DOK6: variants seen among roughly 807,000 people sequenced by gnomAD.
DOK6 encodes docking protein 6.
In DOK6, 22 loss-of-function variants were observed where a neutral mutation model predicts 44.0. The observed-to-expected ratio is 0.50, with a 90% confidence interval of 0.36 to 0.71. The LOEUF (loss-of-function observed/expected upper bound fraction) is 0.71. DOK6 is among the 30% of genes least tolerant of loss of function. DOK6 has a pLI of 0.00. For synonymous variants in DOK6, 166 were observed against 145.5 expected (o/e 1.14, Z -1.01); for missense variants, 340 against 416.4 (o/e 0.82, Z 1.60).
intron 2 of DOK6, among the ~76,000 whole-genome samples, chr18:69,589,662 TAGTG>T (rs960477694): frequency 6.6e-6 from 1 of 152,136 alleles, no homozygotes; most frequent in African/African-American, 2.4e-5. Flanking sequence ...AATGCAATTG[TAGTG>T]AGTAAGATCT....
chr18:69,482,487 T>C (rs943982635), intron 1 of DOK6, among the ~76,000 whole-genome samples: 1 of 152,018 alleles, frequency 6.6e-6, no homozygotes, highest in Admixed American at 6.6e-5. Context: ...ATTAACTTCA[T>C]GTATGTTTGT....
At chr18:69,785,921 G>A (rs1427219985) in intron 7 of DOK6, among the ~76,000 whole-genome samples, 2 of 152,170 alleles carry the variant, frequency 1.3e-5, no homozygotes, top group African/African-American at 2.4e-5. Context: ...CTCTCTCAGA[G>A]TTAGACCTTC....
chr18:69,649,450 G>C (rs1159693486), intron 3 of DOK6, among the ~76,000 whole-genome samples: 1 of 152,008 alleles, frequency 6.6e-6, no homozygotes, highest in Non-Finnish European at 1.5e-5. Flanking sequence ...ATGGATCCTA[G>C]GGTTGCCTCC....
chr18:69,429,516 T>G (rs1328039662), intron 1 of DOK6, among the ~76,000 whole-genome samples: 1 of 151,076 alleles, frequency 6.6e-6, no homozygotes, highest in Non-Finnish European at 1.5e-5. Flanking sequence ...ATTTTATGCT[T>G]AAATATATGT....
intron 3 of DOK6, among the ~76,000 whole-genome samples, chr18:69,624,740 A>G (rs368882941): frequency 2.0e-5 from 3 of 152,160 alleles, no homozygotes; most frequent in South Asian, 2.1e-4. Flanking sequence ...TATTCAATTT[A>G]TAATGAATCC....
chr18:69,630,547 G>A (rs892146566), intron 3 of DOK6, among the ~76,000 whole-genome samples: 4 of 152,176 alleles, frequency 2.6e-5, no homozygotes, highest in African/African-American at 9.7e-5. Flanking sequence ...CAGCCAAAGG[G>A]CTGAGTGTAG....
At chr18:69,790,697 G>A (rs1253385125) in intron 7 of DOK6, among the ~76,000 whole-genome samples, 2 of 151,886 alleles carry the variant, frequency 1.3e-5, no homozygotes, top group Non-Finnish European at 2.9e-5. Context: ...GGATACATGA[G>A]CTATTTTGAT....
chr18:69,422,909 T>C (rs1321274983), intron 1 of DOK6, among the ~76,000 whole-genome samples: 1 of 152,224 alleles, frequency 6.6e-6, no homozygotes, highest in African/African-American at 2.4e-5. Context: ...TTAAATATAA[T>C]ATTTCAAGCA....
At chr18:69,769,418 A>G (rs1250545741) in intron 7 of DOK6, among the ~76,000 whole-genome samples, 1 of 152,082 alleles carries the variant, frequency 6.6e-6, no homozygotes, top group Non-Finnish European at 1.5e-5. Flanking sequence ...CTCAAAAAAG[A>G]TGTTGTCTAA....
intron 3 of DOK6, 69 bp from the exon 4 acceptor site, chr18:69,677,665 A>G (rs868122280): frequency 6.2e-7 from 1 of 1,605,040 alleles, no homozygotes; most frequent in Middle Eastern, 1.7e-4. Flanking sequence ...GAAAACAGTT[A>G]AGGAAATATT....
chr18:69,425,634 T>C (rs959775092), intron 1 of DOK6, among the ~76,000 whole-genome samples: 1 of 152,022 alleles, frequency 6.6e-6, no homozygotes, highest in African/African-American at 2.4e-5. Flanking sequence ...GAAAATAATT[T>C]AAAATAAAAA....
chr18:69,603,743 C>G (rs1345411819), intron 3 of DOK6, among the ~76,000 whole-genome samples: 1 of 129,114 alleles, frequency 7.7e-6, no homozygotes, highest in Middle Eastern at 5.0e-3. Flanking sequence ...TGCACTCCAG[C>G]CTGGGCGACA....
chr18:69,686,611 G>A (rs1986157992), intron 4 of DOK6, among the ~76,000 whole-genome samples: 2 of 151,964 alleles, frequency 1.3e-5, no homozygotes, highest in South Asian at 4.1e-4. Flanking sequence ...TGCTGTAATG[G>A]AAACATCAAA....
chr18:69,818,277 A>T (rs1475975846), intron 7 of DOK6, among the ~76,000 whole-genome samples: 1 of 152,118 alleles, frequency 6.6e-6, no homozygotes, highest in Non-Finnish European at 1.5e-5. Context: ...CTCAACCAGG[A>T]GGGAGTGATG....
chr18:69,607,916 T>C (rs1396298860), intron 3 of DOK6, among the ~76,000 whole-genome samples: 1 of 152,176 alleles, frequency 6.6e-6, no homozygotes, highest in Non-Finnish European at 1.5e-5. Flanking sequence ...TGTTAAAAAC[T>C]ATAATGTGAA....
At chr18:69,472,493 G>A (rs1980142452) in intron 1 of DOK6, among the ~76,000 whole-genome samples, 2 of 152,126 alleles carry the variant, frequency 1.3e-5, no homozygotes, top group African/African-American at 4.8e-5. Flanking sequence ...ATTGTTGTCT[G>A]TTCATTGTTG....
intron 1 of DOK6, among the ~76,000 whole-genome samples, chr18:69,505,280 TC>T (rs1469716133): frequency 1.3e-5 from 2 of 152,108 alleles, no homozygotes; most frequent in African/African-American, 4.8e-5. Context: ...AGTTTTATCT[TC>T]CCTTACCTAT....
At chr18:69,606,841 G>A (rs1984010702) in intron 3 of DOK6, among the ~76,000 whole-genome samples, 2 of 143,106 alleles carry the variant, frequency 1.4e-5, no homozygotes, top group African/African-American at 2.6e-5. Flanking sequence ...TCGGCCCACT[G>A]CAACCTCCGC....
intron 3 of DOK6, among the ~76,000 whole-genome samples, chr18:69,634,895 A>G (rs1457548073): frequency 1.3e-5 from 2 of 152,154 alleles, no homozygotes; most frequent in East Asian, 1.9e-4. Context: ...CTTTCTTAAA[A>G]TGTCTTTCCT....
Sources: allele counts gnomAD v4.1 joint callset (sites outside exome capture counted in the v4.1 genomes callset), GRCh38; gene constraint gnomAD v4.1.1; transcripts MANE v1.5; gene names NCBI Gene and HGNC (gene_info 2026-07-23, HGNC 2026-07-21).